Variants in MRPS9 observed in about 807,000 individuals in gnomAD.
The protein encoded by MRPS9 is small ribosomal subunit protein uS9m.
MRPS9 carries 45 observed loss-of-function variants against 59.9 expected under a neutral mutation model. That is an observed-to-expected ratio of 0.75 (90% CI 0.59 to 0.96). The LOEUF is 0.96. MRPS9 is among the 40% of genes least tolerant of loss of function. The pLI, the probability that MRPS9 is intolerant of heterozygous loss-of-function variation, is 0.00. For synonymous variants in MRPS9, 171 were observed against 166.8 expected, an observed-to-expected ratio of 1.03 and a Z score of -0.19; for missense variants, 473 against 481.1, an observed-to-expected ratio of 0.98 and a Z score of 0.16.
At chr2:105,071,420 T>C (rs1405839039) in intron 3 of MRPS9, 39 bp from the exon 4 acceptor site, 1 of 1,584,030 alleles carries the variant, frequency 6.3e-7, no homozygotes, top group Non-Finnish European at 8.6e-7. Context: ...TTTTATATGT[T>C]ATGATAATTA....
At chr2:105,071,036 G>A (rs1475989576) in intron 2 of MRPS9, among the ~76,000 whole-genome samples, 1 of 152,230 alleles carries the variant, frequency 6.6e-6, no homozygotes, top group Non-Finnish European at 1.5e-5. Context: ...GCATCTCTAA[G>A]TGATCCCTTA....
chr2:105,058,219 T>C (rs1679830076), intron 2 of MRPS9, among the ~76,000 whole-genome samples: 1 of 152,238 alleles, frequency 6.6e-6, no homozygotes, highest in Non-Finnish European at 1.5e-5. Context: ...TATAGAGCTA[T>C]GTAGAACTGT....
At chr2:105,072,808 T>G (rs1410320752) in intron 4 of MRPS9, among the ~76,000 whole-genome samples, 3 of 152,170 alleles carry the variant, frequency 2.0e-5, no homozygotes, top group East Asian at 3.9e-4. Context: ...TCCAGTTCAC[T>G]CTTGGAAATG....
intron 2 of MRPS9, among the ~76,000 whole-genome samples, chr2:105,058,997 A>C (rs565465646): frequency 4.4e-4 from 66 of 151,510 alleles, no homozygotes; most frequent in African/African-American, 1.5e-3. Context: ...GTTTCTAAAG[A>C]GTTCTGTACT....
chr2:105,076,480 C>T (rs1680214820), intron 4 of MRPS9, among the ~76,000 whole-genome samples: 1 of 152,234 alleles, frequency 6.6e-6, no homozygotes, highest in Non-Finnish European at 1.5e-5. Context: ...TACATACCTA[C>T]ATATTCATAC....
At chr2:105,070,147 T>A (rs1457477592) in intron 2 of MRPS9, among the ~76,000 whole-genome samples, 1 of 152,088 alleles carries the variant, frequency 6.6e-6, no homozygotes, top group East Asian at 1.9e-4. Flanking sequence ...TGTTTGTTTA[T>A]TTTGCACTCC....
chr2:105,080,170 A>C, intron 5 of MRPS9, 108 bp downstream of exon 5: 1 of 657,576 alleles, frequency 1.5e-6, no homozygotes, highest in Non-Finnish European at 2.4e-6. Flanking sequence ...TATAATTGAC[A>C]AAAATAAGAC....
chr2:105,062,919 T>G (rs1033995893), intron 2 of MRPS9, among the ~76,000 whole-genome samples: 8 of 152,202 alleles, frequency 5.3e-5, no homozygotes, highest in Non-Finnish European at 1.2e-4. Flanking sequence ...ATTTATAATT[T>G]TTGCTTTGCG....
chr2:105,086,886 C>T (rs993367656), intron 5 of MRPS9, among the ~76,000 whole-genome samples: 31 of 152,228 alleles, frequency 2.0e-4, no homozygotes, highest in South Asian at 6.2e-4. Flanking sequence ...TGTTTGCCTG[C>T]GTCTGTCCAT....
chr2:105,086,034 A>C (rs1680438415), intron 5 of MRPS9, among the ~76,000 whole-genome samples: 1 of 152,194 alleles, frequency 6.6e-6, no homozygotes, highest in Admixed American at 6.5e-5. Context: ...CCAAGGTAGA[A>C]TCTTAAGAGT....
At chr2:105,097,364 G>C in intron 10 of MRPS9, 40 bp downstream of exon 10, 1 of 1,466,406 alleles carries the variant, frequency 6.8e-7, no homozygotes, top group Non-Finnish European at 9.1e-7. Flanking sequence ...GCCCAATACT[G>C]GCTATACATG....
intron 2 of MRPS9, among the ~76,000 whole-genome samples, chr2:105,070,381 C>T (rs1051218523): frequency 1.3e-5 from 2 of 152,024 alleles, no homozygotes; most frequent in Non-Finnish European, 2.9e-5. Flanking sequence ...GAATTTATAC[C>T]CCCAAATTAT....
chr2:105,048,284 T>C (rs1679634024), intron 1 of MRPS9, among the ~76,000 whole-genome samples: 2 of 151,294 alleles, frequency 1.3e-5, no homozygotes, highest in African/African-American at 2.4e-5. Context: ...TTCTCACTCA[T>C]AGGTAGGAAT....
In MRPS9 at chr2:105,084,247, A is replaced by AATATATATATATATATAT. The variant is rs58438490; in HGVS notation, c.489+4190_489+4207dup. On this transcript the variant is annotated intron_variant, in intron 5 of 10. Transcript: ENST00000258455. ...TGGCCACAGATGAAATATATACCAA[A>AATATATATATATATATAT]ATATATATATATATATATATATGTA... is the stretch of plus-strand genomic sequence containing the variant. Among the ~76,000 whole-genome samples the AATATATATATATATATAT allele has an allele frequency of 4.2e-3, 582 of 139,514 alleles. 2 individuals carry two copies. Among genetic ancestry groups the AATATATATATATATATAT allele is most frequent in the South Asian group, 7.2e-3 (31 of 4,308 alleles). 91.5% of individuals were successfully genotyped at this position (139,514 alleles called of 152,430 possible).
At chr2:105,081,042 C>T (rs748822253) in intron 5 of MRPS9, among the ~76,000 whole-genome samples, 6 of 152,172 alleles carry the variant, frequency 3.9e-5, no homozygotes, top group Admixed American at 6.5e-5. Flanking sequence ...GGCTCCGGCT[C>T]GGTAGAGGTT....
Position 105,097,344 on chromosome 2 carries a change from G to A in MRPS9, c.1099+20G>A, listed in dbSNP as rs145395490. The A allele has an allele frequency of 1.2e-5, 18 of 1,559,708 alleles. No homozygotes were observed. Among genetic ancestry groups the A allele is most frequent in the South Asian group, 2.4e-5 (2 of 82,314 alleles). ...GACAAGGTATGAGTCTAGGTGGGAC[G>A]GGCATGGTGGCCCAATACTGGCTAT... On this transcript the variant is annotated intron_variant, in intron 10 of 10. Transcript: ENST00000258455.
chr2:105,051,999 T>A (rs113510945), intron 2 of MRPS9, among the ~76,000 whole-genome samples: 2,078 of 152,264 alleles, frequency 0.014, 51 homozygotes, highest in African/African-American at 0.048. Flanking sequence ...TAGCAGGATA[T>A]CCCATATATT....
chr2:105,079,040 G>A (rs1194540983), intron 4 of MRPS9, among the ~76,000 whole-genome samples: 4 of 152,094 alleles, frequency 2.6e-5, no homozygotes, highest in African/African-American at 7.2e-5. Context: ...CATTTCATGC[G>A]GGGGCGGAAA....
At chr2:105,069,166 T>G (rs1573432487) in intron 2 of MRPS9, among the ~76,000 whole-genome samples, 1 of 152,266 alleles carries the variant, frequency 6.6e-6, no homozygotes, top group South Asian at 2.1e-4. Context: ...GCACTTATCT[T>G]ATTATGAGCC....
Sources: allele counts gnomAD v4.1 joint callset (sites outside exome capture counted in the v4.1 genomes callset), GRCh38; gene constraint gnomAD v4.1.1; transcripts MANE v1.5; gene names NCBI Gene and HGNC (gene_info 2026-07-23, HGNC 2026-07-21).